Variants in SLC25A30 observed in about 807,000 individuals in gnomAD.
SLC25A30 encodes kidney mitochondrial carrier protein 1.
In SLC25A30, 29 loss-of-function variants were observed where a neutral mutation model predicts 42.7. The observed-to-expected ratio is 0.68, with a 90% confidence interval of 0.51 to 0.93. SLC25A30 has a LOEUF of 0.93. Among genes scored for constraint, SLC25A30 ranks in the 40% least tolerant of loss-of-function variants. SLC25A30 has a pLI of 0.00. For missense variants in SLC25A30, 300 were observed against 359.7 expected (o/e 0.83, Z 1.34); for synonymous variants, 124 against 131.0 (o/e 0.95, Z 0.37).
intron 3 of SLC25A30, among the ~76,000 whole-genome samples, chr13:45,407,169 G>A (rs903984785): frequency 6.6e-6 from 1 of 152,084 alleles, no homozygotes; most frequent in Non-Finnish European, 1.5e-5. Flanking sequence ...AGGCCGAGAC[G>A]GGTGGATCAC....
chr13:45,424,941 A>AATATATAAATATAT, the SLC25A30 span, among the ~76,000 whole-genome samples: 1 of 51,998 alleles, frequency 1.9e-5, no homozygotes, highest in African/African-American at 1.1e-4. Context: ...TAAATATTTA[A>AATATATAAATATAT]ATAAATATAT....
intron 2 of SLC25A30, among the ~76,000 whole-genome samples, chr13:45,410,121 A>G (rs1882872905): frequency 1.3e-5 from 2 of 152,228 alleles, no homozygotes; most frequent in African/African-American, 2.4e-5. Context: ...ACAGCTGCTC[A>G]ATCAGTGTTT....
At chr13:45,413,345 G>A (rs1010102455) in intron 1 of SLC25A30, among the ~76,000 whole-genome samples, 1 of 152,152 alleles carries the variant, frequency 6.6e-6, no homozygotes. Flanking sequence ...AGTTAAGATT[G>A]TAAGAGACTG....
the SLC25A30 span, among the ~76,000 whole-genome samples, chr13:45,430,323 G>A: frequency 6.6e-6 from 1 of 152,110 alleles, no homozygotes; most frequent in Non-Finnish European, 1.5e-5. Flanking sequence ...TAAAGAGGAT[G>A]TCTCTATAGA....
At chr13:45,426,243 C>T in the SLC25A30 span, among the ~76,000 whole-genome samples, 3 of 151,870 alleles carry the variant, frequency 2.0e-5, no homozygotes, top group East Asian at 1.9e-4. Flanking sequence ...TGCGCCACCA[C>T]GCCCAGCTAA....
In SLC25A30 at chr13:45,395,296, C is replaced by T. The variant is rs534672086; in HGVS notation, c.*678G>A. On this transcript the variant is annotated 3_prime_UTR_variant, in exon 10 of 10. Coordinates refer to ENST00000519676, the MANE Select transcript of SLC25A30 (RefSeq NM_001010875.4). ...CCACCAATACAGACCTTGCAACCTT[C>T]AAAGCCAACACATAACACCACCACG... 17 of 986,038 alleles carry T rather than the reference C, an allele frequency of 1.7e-5. No homozygotes were observed. The South Asian group carries it at 6.1e-4, about 35-fold the overall frequency. The allele number at this position is 986,038 out of a possible 1,614,324, so 61.1% of individuals were successfully genotyped here.
chr13:45,394,211 T>TCAGCAATTAACAGGTAACC lies in SLC25A30; in HGVS notation c.*1744_*1762dup, dbSNP rs1462741587. The TCAGCAATTAACAGGTAACC allele has an allele frequency of 6.1e-6, 6 of 985,190 alleles. No homozygotes were observed. The African/African-American group carries it at 1.0e-4, about 17-fold the overall frequency. 61.0% of individuals were successfully genotyped at this position (985,190 alleles called of 1,614,324 possible). ...GGAGAGCTGGACTTTCATCTGAGTCTCAGCAATTAACAGGTAACCCTACCC... is the reference window on the plus strand; with the variant it reads ...GGAGAGCTGGACTTTCATCTGAGTCTCAGCAATTAACAGGTAACCCAGCAATTAACAGGTAACCCTACCC... On this transcript the variant is annotated 3_prime_UTR_variant, in exon 10 of 10. Coordinates refer to ENST00000519676, the MANE Select transcript of SLC25A30 (RefSeq NM_001010875.4).
At chr13:45,411,783 G>T in intron 1 of SLC25A30, 1 of 238,156 alleles carries the variant, frequency 4.2e-6, no homozygotes, top group Non-Finnish European at 8.4e-6. Flanking sequence ...CTGTTCTCTG[G>T]GAAGTCTATT....
the SLC25A30 span, among the ~76,000 whole-genome samples, chr13:45,423,703 A>AAAATATATAAATATATATAAAT: frequency 3.3e-4 from 1 of 3,004 alleles, no homozygotes; most frequent in African/African-American, 1.0e-3. Context: ...TAAATATATA[A>AAAATATATAAATATATATAAAT]ATATATAAAC....
intron 3 of SLC25A30, among the ~76,000 whole-genome samples, chr13:45,407,964 A>G (rs1033886044): frequency 3.3e-5 from 5 of 152,186 alleles, no homozygotes; most frequent in African/African-American, 1.2e-4. Context: ...GTCTTCCTAC[A>G]TGACAGCCCT....
chr13:45,405,733 C>G (rs767241529), intron 4 of SLC25A30, 150 bp downstream of exon 4: 59 of 617,938 alleles, frequency 9.5e-5, no homozygotes, highest in Non-Finnish European at 1.4e-4. Context: ...AACTTGCTTT[C>G]AGCACAATTA....
Position 45,408,969 on chromosome 13 carries a change from A to G in SLC25A30, c.170T>C (p.Val57Ala). ...CAGCCCTTCTTCTCTGCCTATCCTC[A>G]CTAATGCGTGCAACATTCCTCGGTA... ...IRYRGMLHAL[V>A]RIGREEGLKA... The change falls in exon 3 of 10, where the codon GTG becomes GCG. Residue 57 changes from valine to alanine, a missense_variant. Physicochemically the swap from Val to Ala is moderately conservative, Grantham distance 64. Coordinates refer to ENST00000519676, the MANE Select transcript of SLC25A30 (RefSeq NM_001010875.4). 1 of 1,613,284 alleles carries G rather than the reference A, an allele frequency of 6.2e-7. No homozygotes were observed. The highest frequency in any genetic ancestry group is 8.5e-7 in the Non-Finnish European group (1 of 1,179,722).
the SLC25A30 span, among the ~76,000 whole-genome samples, chr13:45,424,837 TAA>T: frequency 3.9e-5 from 2 of 50,772 alleles, no homozygotes; most frequent in East Asian, 4.8e-4. Context: ...AATATATATA[TAA>T]AAATATATAT....
chr13:45,394,946 T>C lies in SLC25A30; in HGVS notation c.*1028A>G. ...ACTACCAACATTTTGCTAAGGAAAA[T>C]GTACTAAAGCCTGAACTTATACAGT... On this transcript the variant is annotated 3_prime_UTR_variant, in exon 10 of 10. Coordinates refer to ENST00000519676, the MANE Select transcript of SLC25A30 (RefSeq NM_001010875.4). 9.1e-6 allele frequency: 9 copies of C among 985,384 alleles called. No homozygotes were observed. Among genetic ancestry groups the C allele is most frequent in the Non-Finnish European group, 1.1e-5 (9 of 829,934 alleles). The allele number at this position is 985,384 out of a possible 1,614,324, so 61.0% of individuals were successfully genotyped here.
intron 3 of SLC25A30, among the ~76,000 whole-genome samples, chr13:45,408,337 T>C (rs942121250): frequency 2.0e-5 from 3 of 152,164 alleles, no homozygotes; most frequent in Admixed American, 1.3e-4. Flanking sequence ...TTTTAAAATA[T>C]TGGCTCAATT....
chr13:45,405,770 G>T, intron 4 of SLC25A30, 113 bp downstream of exon 4: 1 of 878,400 alleles, frequency 1.1e-6, no homozygotes, highest in Non-Finnish European at 1.8e-6. Flanking sequence ...CAGAGTTCTT[G>T]TAGCAGTAGG....
intron 8 of SLC25A30, chr13:45,397,891 G>T: frequency 1.0e-6 from 1 of 985,502 alleles, no homozygotes; most frequent in South Asian, 4.7e-5. Context: ...GTTGAGTGAG[G>T]AAAAAATTAG....
intron 8 of SLC25A30, chr13:45,397,924 TTGC>T (rs1371981051): frequency 3.0e-6 from 3 of 985,464 alleles, no homozygotes; most frequent in Non-Finnish European, 3.6e-6. Context: ...TTACGGTCTG[TTGC>T]TTCCGTGCCA....
At chr13:45,410,193 G>A (rs752964096) in intron 2 of SLC25A30, among the ~76,000 whole-genome samples, 1 of 152,224 alleles carries the variant, frequency 6.6e-6, no homozygotes, top group Non-Finnish European at 1.5e-5. Flanking sequence ...AACCGATGAG[G>A]AAGTCACAAA....
Sources: allele counts gnomAD v4.1 joint callset (sites outside exome capture counted in the v4.1 genomes callset), GRCh38; gene constraint gnomAD v4.1.1; transcripts MANE v1.5; gene names NCBI Gene and HGNC (gene_info 2026-07-23, HGNC 2026-07-21).